The following WASHC2C variants were observed in gnomAD, a reference collection of about 807,000 sequenced individuals.
WASHC2C encodes Vaccinia Penetration Factor.
A neutral mutation model predicts 142.2 loss-of-function variants in WASHC2C; 73 were observed. The ratio of observed to expected loss-of-function variants is 0.51; its 90% CI spans 0.43 to 0.62. WASHC2C has a LOEUF of 0.62. Ranked by LOEUF, WASHC2C falls within the 20% of genes least tolerant of loss-of-function variation. WASHC2C has a pLI of 0.00. For synonymous variants in WASHC2C, 337 were observed against 565.5 expected, an observed-to-expected ratio of 0.60 and a Z score of 5.73; for missense variants, 969 against 1,531.7, an observed-to-expected ratio of 0.63 and a Z score of 6.13.
chr10:45,785,698 C>G (rs1414541397), intron 26 of WASHC2C, 67 bp downstream of exon 26: 1 of 1,609,784 alleles, frequency 6.2e-7, no homozygotes, highest in African/African-American at 1.3e-5. Context: ...TTCCATTATG[C>G]AGACCCACAG....
chr10:45,750,844 C>A lies in WASHC2C; in HGVS notation c.931+6C>A. ...AGTGGACGAGGAGCCGACAAGTGAG[C>A]CCCAGCCACGTTGATGGGGAGTAGG... On this transcript the variant is annotated splice_donor_region_variant and intron_variant, in intron 10 of 30. Transcript: ENST00000623400. 6.5e-7 allele frequency: 1 copy of A among 1,547,644 alleles called. No homozygotes were observed. Among genetic ancestry groups the A allele is most frequent in the Non-Finnish European group, 8.7e-7 (1 of 1,146,686 alleles).
At chr10:45,785,746 C>T in intron 26 of WASHC2C, 115 bp downstream of exon 26, 1 of 1,592,240 alleles carries the variant, frequency 6.3e-7, no homozygotes. Flanking sequence ...GAAACAGCAA[C>T]CAGGGCTACA....
intron 23 of WASHC2C, among the ~76,000 whole-genome samples, chr10:45,784,287 T>G (rs535179573): frequency 1.2e-4 from 1 of 8,518 alleles, no homozygotes; most frequent in Non-Finnish European, 3.1e-4. Context: ...TATATATATA[T>G]ATACACATAT....
At chr10:45,782,512 G>T (rs2057598189) in intron 23 of WASHC2C, among the ~76,000 whole-genome samples, 1 of 149,806 alleles carries the variant, frequency 6.7e-6, no homozygotes, top group Non-Finnish European at 1.5e-5. Flanking sequence ...CCTTGCTGCT[G>T]CAAGTGTGGA....
At chr10:45,780,617 G>GA (rs2057418110) in intron 23 of WASHC2C, among the ~76,000 whole-genome samples, 1 of 152,032 alleles carries the variant, frequency 6.6e-6, no homozygotes, top group Non-Finnish European at 1.5e-5. Flanking sequence ...AAGTCTTAAG[G>GA]AATCTGCAAA....
rs558266564 is a variant in WASHC2C at position 45,727,703 on chromosome 10, C to A, written c.126+164C>A. On this transcript the variant is annotated intron_variant, in intron 2 of 30. Transcript: ENST00000623400. The stretch of plus-strand genomic sequence containing the variant: ...CCGAGAATGCCACCCTGGCAGTCCC[C>A]GGCCACCAGGGAGAGGGGCAGACCC... Among the ~76,000 whole-genome samples the A allele has an allele frequency of 5.5e-3, 841 of 152,252 alleles. 5 individuals carry two copies. Among genetic ancestry groups the A allele is most frequent in the African/African-American group, 0.019 (809 of 41,548 alleles).
At chr10:45,729,528 A>C (rs1179881918) in intron 3 of WASHC2C, among the ~76,000 whole-genome samples, 3 of 152,212 alleles carry the variant, frequency 2.0e-5, no homozygotes, top group African/African-American at 7.2e-5. Flanking sequence ...CTGAGCTTAA[A>C]TCTATGTGTG....
intron 9 of WASHC2C, 74 bp from the exon 10 acceptor site, chr10:45,750,677 T>G (rs1194304037): frequency 1.4e-6 from 2 of 1,406,408 alleles, no homozygotes; most frequent in Non-Finnish European, 2.0e-6. Context: ...GTATACATAA[T>G]GTTGTTAGGT....
chr10:45,770,646 A>G (rs1288545133), intron 20 of WASHC2C, among the ~76,000 whole-genome samples: 21 of 152,320 alleles, frequency 1.4e-4, no homozygotes, highest in African/African-American at 4.8e-4. Flanking sequence ...CTGTCTCCAA[A>G]TACTCGAATC....
rs2054800083 is a variant in WASHC2C at position 45,759,466 on chromosome 10, A to T, written c.1635+65A>T. ...GGATATGACATAGAAACTATTTTTG[A>T]ATCAGGTTTTTCTCAATAGAGTTAT... On this transcript the variant is annotated intron_variant, in intron 17 of 30. Transcript: ENST00000623400. The T allele has an allele frequency of 1.7e-5, 22 of 1,286,888 alleles. 1 individual carries two copies. In the South Asian group the frequency reaches 2.4e-4, roughly 14 times the overall value. The allele number at this position is 1,286,888 out of a possible 1,614,324, so 79.7% of individuals were successfully genotyped here.
rs1487907397 is a variant in WASHC2C, at chr10:45,789,080, C to T, written c.3297C>T (p.Ala1099=). The stretch of plus-strand genomic sequence containing the variant: ...GCACTGAGGAGGCCCTGGCAGCTGC[C>T]GCTGCACCTTGGGAAGGTGGTCCTG... ...EDSTEEALAA[A]AAPWEGGPVP... is the part of the protein sequence containing the mutation. Residue 1099 remains alanine, a synonymous_variant, in exon 29 of 31, where the codon GCC becomes GCT. Coordinates refer to ENST00000623400, the MANE Select transcript of WASHC2C (RefSeq NM_001330074.2). 69 of 1,611,904 alleles carry T rather than the reference C, an allele frequency of 4.3e-5. No homozygotes were observed. Among genetic ancestry groups the T allele is most frequent in the South Asian group, 2.7e-4 (25 of 90,994 alleles).
At chr10:45,785,159 A>T (rs760516779) in intron 25 of WASHC2C, among the ~76,000 whole-genome samples, 4 of 152,204 alleles carry the variant, frequency 2.6e-5, no homozygotes, top group African/African-American at 7.2e-5. Flanking sequence ...CATCTGTGTG[A>T]TGTTTAAATG....
chr10:45,784,257 T>C (rs1473704663), intron 23 of WASHC2C, among the ~76,000 whole-genome samples: 23 of 4,334 alleles, frequency 5.3e-3, no homozygotes, highest in East Asian at 0.015. Context: ...TGTGTGTATA[T>C]ATATATATAT....
intron 29 of WASHC2C, among the ~76,000 whole-genome samples, 196 bp from the exon 30 acceptor site, chr10:45,790,160 C>T (rs2058314149): frequency 2.0e-5 from 3 of 152,150 alleles, no homozygotes; most frequent in Non-Finnish European, 4.4e-5. Flanking sequence ...ACTGCAGTGG[C>T]GGCATTTGAG....
At chr10:45,784,220 G>A (rs1554888807) in intron 23 of WASHC2C, among the ~76,000 whole-genome samples, 1 of 91,144 alleles carries the variant, frequency 1.1e-5, no homozygotes, top group Admixed American at 1.2e-4. Flanking sequence ...TATCTCTAAA[G>A]CTTGTGCATA....
intron 20 of WASHC2C, among the ~76,000 whole-genome samples, chr10:45,772,368 C>T (rs1171574878): frequency 6.6e-6 from 1 of 152,054 alleles, no homozygotes; most frequent in African/African-American, 2.4e-5. Context: ...TTGAAGTATG[C>T]ACTTTAAAAG....
intron 3 of WASHC2C, among the ~76,000 whole-genome samples, chr10:45,732,973 C>T (rs1554862951): frequency 6.6e-6 from 1 of 152,246 alleles, no homozygotes; most frequent in Non-Finnish European, 1.5e-5. Context: ...TTACATAATG[C>T]CCCTTGCTTT....
intron 28 of WASHC2C, among the ~76,000 whole-genome samples, chr10:45,787,906 A>G (rs1392813355): frequency 1.3e-5 from 2 of 152,202 alleles, no homozygotes; most frequent in African/African-American, 4.8e-5. Context: ...ATGGACTGTG[A>G]ACTCTTTGAA....
intron 19 of WASHC2C, among the ~76,000 whole-genome samples, chr10:45,768,814 T>C (rs2056246382): frequency 6.6e-6 from 1 of 152,274 alleles, no homozygotes; most frequent in East Asian, 1.9e-4. Flanking sequence ...TTTTTACATT[T>C]GGCTTCCTTC....
Sources: allele counts gnomAD v4.1 joint callset (sites outside exome capture counted in the v4.1 genomes callset), GRCh38; gene constraint gnomAD v4.1.1; transcripts MANE v1.5; gene names NCBI Gene and HGNC (gene_info 2026-07-23, HGNC 2026-07-21).